The following SERINC1 variants were observed in gnomAD, a reference collection of about 807,000 sequenced individuals.
SERINC1 encodes the protein serine incorporator 1, also known as tumor differentially expressed protein 2.
In SERINC1, 38 loss-of-function variants were observed where a neutral mutation model predicts 52.9. The ratio of observed to expected loss-of-function variants is 0.72; its 90% confidence interval spans 0.55 to 0.94. The LOEUF (loss-of-function observed/expected upper bound fraction) is 0.94, where lower values mean the gene tolerates loss of function less well. SERINC1 is among the 40% of genes least tolerant of loss of function. The probability of loss-of-function intolerance (pLI) is 0.00; values close to 1 mark genes in which losing one functional copy is unlikely to be tolerated. For missense variants in SERINC1, 471 were observed against 533.9 expected, an observed-to-expected ratio of 0.88 and a Z score of 1.16; for synonymous variants, 198 against 183.1, an observed-to-expected ratio of 1.08 and a Z score of -0.66.
intron 8 of SERINC1, 30 bp downstream of exon 8, chr6:122,447,091 T>G: frequency 6.3e-7 from 1 of 1,597,582 alleles, no homozygotes; most frequent in Non-Finnish European, 8.5e-7. Flanking sequence ...ACTTCTTGTT[T>G]AAAGAAAAAA....
rs1340584538 is a variant in SERINC1 at position 122,443,656 on chromosome 6, T to C, written c.*1388A>G. ...ACATCTTTTGAACTGTGTAGTATAC[T>C]ATAAGCAGGAGTTTATTCTAAAACA... On this transcript the variant is annotated 3_prime_UTR_variant, in exon 10 of 10. Transcript: ENST00000339697. 2 of 152,240 alleles carry C rather than the reference T, an allele frequency of 1.3e-5. No homozygotes were observed. The highest frequency in any genetic ancestry group is 2.9e-5 in the Non-Finnish European group (2 of 68,042). The allele number at this position is 152,240 out of a possible 1,614,324, so 9.4% of individuals were successfully genotyped here.
rs764168529 is a variant in SERINC1, at chr6:122,446,950, T to G, written c.1050A>C (p.Glu350Asp). 7 of 1,613,662 alleles carry G rather than the reference T, an allele frequency of 4.3e-6. No individual in the cohort carries two copies. Among genetic ancestry groups the G allele is most frequent in the East Asian group, 2.2e-5 (1 of 44,888 alleles). ...QVNKLTLTSD[E>D]STLIEDGGAR... ...CTCCACCATCTTCTATTAATGTAGA[T>G]TCATCACTTGTTAGAGTCAGTTTAT... Residue 350 changes from glutamate to aspartate, a missense_variant, in exon 9 of 10, where the codon GAA (glutamate) becomes GAC (aspartate). Coordinates refer to ENST00000339697, the MANE Select transcript of SERINC1 (RefSeq NM_020755.4).
rs552206348 is a variant in SERINC1, at chr6:122,453,680, T to C, written c.589+90A>G. The stretch of plus-strand genomic sequence containing the variant: ...AACCTCATCATAGGAAAGTAGACCA[T>C]AAAAATCCTAAGTGATTTACCTAGT... On this transcript the variant is annotated intron_variant, in intron 5 of 9. Coordinates refer to ENST00000339697, the MANE Select transcript of SERINC1 (RefSeq NM_020755.4). The C allele has an allele frequency of 5.5e-6, 6 of 1,096,718 alleles. No individual in the cohort carries two copies. The South Asian group carries it at 1.7e-4, about 30-fold the overall frequency. 67.9% of individuals were successfully genotyped at this position (1,096,718 alleles called of 1,614,324 possible). A position where few individuals can be genotyped will look rare whatever the true frequency, so the allele number is the denominator to read the frequency against.
chr6:122,465,109 T>A (rs1223515085), intron 1 of SERINC1, among the ~76,000 whole-genome samples: 1 of 152,174 alleles, frequency 6.6e-6, no homozygotes, highest in African/African-American at 2.4e-5. Context: ...TTTGTTTTGT[T>A]CTTCCCAGAA....
At chr6:122,458,850 C>T (rs562405112) in intron 1 of SERINC1, among the ~76,000 whole-genome samples, 169 bp from the exon 2 acceptor site, 1 of 151,994 alleles carries the variant, frequency 6.6e-6, no homozygotes, top group South Asian at 2.1e-4. Flanking sequence ...CTATATACCA[C>T]AAAACTTAGC....
intron 4 of SERINC1, 69 bp downstream of exon 4, chr6:122,454,082 C>T (rs921898487): frequency 1.7e-6 from 2 of 1,199,160 alleles, no homozygotes; most frequent in Non-Finnish European, 1.2e-6. Context: ...AATTATAGTT[C>T]CAGGTGACAA....
intron 7 of SERINC1, among the ~76,000 whole-genome samples, chr6:122,448,022 A>T (rs1168290113): frequency 6.6e-6 from 1 of 151,858 alleles, no homozygotes; most frequent in African/African-American, 2.4e-5. Context: ...GCTGAGGCAG[A>T]AAGACTCGAA....
At chr6:122,458,809 G>A (rs1458045575) in intron 1 of SERINC1, 128 bp from the exon 2 acceptor site, 1 of 631,110 alleles carries the variant, frequency 1.6e-6, no homozygotes, top group Non-Finnish European at 2.6e-6. Flanking sequence ...TTACATCAAG[G>A]GACATACGGT....
In SERINC1 at chr6:122,471,578, A is replaced by G. The variant is rs1021239653; in HGVS notation, c.39+121T>C. 9 of 1,165,140 alleles carry G rather than the reference A, an allele frequency of 7.7e-6. No individual in the cohort carries two copies. The African/African-American group carries it at 1.2e-4, about 16-fold the overall frequency. The allele number at this position is 1,165,140 out of a possible 1,614,324, so 72.2% of individuals were successfully genotyped here. A position where few individuals can be genotyped will look rare whatever the true frequency, so the allele number is the denominator to read the frequency against. On this transcript the variant is annotated intron_variant, in intron 1 of 9. Transcript: ENST00000339697. ...GGAGACGGGAAGAAAACGGGGACAG[A>G]GAGGGCACTCCCTGTTGGGTGGGGC... is the stretch of plus-strand genomic sequence containing the variant.
intron 1 of SERINC1, among the ~76,000 whole-genome samples, chr6:122,467,241 A>C (rs1312630592): frequency 6.6e-6 from 1 of 152,226 alleles, no homozygotes; most frequent in Non-Finnish European, 1.5e-5. Context: ...AGGTTCGATC[A>C]ATCATGACAT....
At position 122,443,544 on chromosome 6, in the gene SERINC1, A is replaced by G. The variant is rs1255513730; in HGVS notation, c.*1500T>C. The G allele has an allele frequency of 6.6e-6, 1 of 152,050 alleles. No homozygotes were observed. The highest frequency in any genetic ancestry group is 1.5e-5 in the Non-Finnish European group (1 of 68,026). 9.4% of individuals were successfully genotyped at this position (152,050 alleles called of 1,614,324 possible). On this transcript the variant is annotated 3_prime_UTR_variant, in exon 10 of 10. Coordinates refer to ENST00000339697, the MANE Select transcript of SERINC1 (RefSeq NM_020755.4). The stretch of plus-strand genomic sequence containing the variant: ...ACTAGTGACACATACAAATAACTAA[A>G]CTCTCATACTGCTTGATTTTCAGGT...
intron 7 of SERINC1, among the ~76,000 whole-genome samples, chr6:122,450,238 C>G (rs1053618479): frequency 6.6e-6 from 1 of 152,048 alleles, no homozygotes; most frequent in African/African-American, 2.4e-5. Context: ...TTTACCATTC[C>G]AAAAATCCTA....
chr6:122,468,839 T>C (rs1015402279), intron 1 of SERINC1, among the ~76,000 whole-genome samples: 1 of 152,192 alleles, frequency 6.6e-6, no homozygotes, highest in Non-Finnish European at 1.5e-5. Flanking sequence ...CACTAGTTCT[T>C]AACGACTTAA....
At position 122,451,896 on chromosome 6, in the gene SERINC1, T is replaced by C; in HGVS notation, c.751A>G (p.Lys251Glu). 6.5e-7 allele frequency: 1 copy of C among 1,529,812 alleles called. No homozygotes were observed. Among genetic ancestry groups the C allele is most frequent in the Non-Finnish European group, 8.7e-7 (1 of 1,143,148 alleles). 94.8% of individuals were successfully genotyped at this position (1,529,812 alleles called of 1,614,324 possible). Residue 251 changes from lysine (K) to glutamate (E), a missense_variant, in exon 6 of 10, where the codon AAA becomes GAA. Transcript: ENST00000339697. ...TGCTTTAAAGGGCATACTTGGATTT[T>C]TGGCAGTATAGACATTACAGAAGCA... ...VGASVMSILPKIQESQPRSGL... is the reference protein window; with the variant it reads ...VGASVMSILPEIQESQPRSGL...
chr6:122,465,062 A>G (rs911643112), intron 1 of SERINC1, among the ~76,000 whole-genome samples: 14 of 152,220 alleles, frequency 9.2e-5, no homozygotes, highest in Admixed American at 8.5e-4. Context: ...AATAAAATGT[A>G]AAAGTCAAAA....
rs1415169953 is a variant in SERINC1, at chr6:122,451,774, A to ATAT, written c.760-21_760-20insATA. The ATAT allele has an allele frequency of 8.5e-5, 18 of 211,178 alleles. No individual in the cohort carries two copies. Among genetic ancestry groups the ATAT allele is most frequent in the Admixed American group, 5.4e-4 (3 of 5,564 alleles). 13.1% of individuals were successfully genotyped at this position (211,178 alleles called of 1,614,324 possible). A position where few individuals can be genotyped will look rare whatever the true frequency, so the allele number is the denominator to read the frequency against. ...TGATTCCTACAAAAAAAAAAAAAAA[A>ATAT]AAATATATATATATATATATAGCAA... On this transcript the variant is annotated intron_variant, in intron 6 of 9. Transcript: ENST00000339697.
chr6:122,453,690 A>G (rs189820863), intron 5 of SERINC1, 80 bp downstream of exon 5: 10 of 1,162,358 alleles, frequency 8.6e-6, no homozygotes, highest in Non-Finnish European at 1.2e-5. Context: ...TAAAAATCCT[A>G]AGTGATTTAC....
intron 1 of SERINC1, among the ~76,000 whole-genome samples, chr6:122,468,389 T>C (rs1260125635): frequency 6.6e-6 from 1 of 152,176 alleles, no homozygotes; most frequent in East Asian, 1.9e-4. Flanking sequence ...TCACCCCAGG[T>C]TGTGACAATG....
chr6:122,464,152 C>A (rs1775149732), intron 1 of SERINC1, among the ~76,000 whole-genome samples: 1 of 152,094 alleles, frequency 6.6e-6, no homozygotes, highest in African/African-American at 2.4e-5. Context: ...CAGGACAGTG[C>A]AATTTTTTAG....
Sources: gnomAD v4.1 joint callset for allele counts (sites outside exome capture counted in the v4.1 genomes callset) on GRCh38, gnomAD v4.1.1 for gene constraint, MANE v1.5 for transcripts, NCBI Gene and HGNC (gene_info 2026-07-23, HGNC 2026-07-21) for gene names.